Variants in LRP1B observed in about 807,000 individuals in gnomAD.
LRP1B encodes the protein low-density lipoprotein receptor-related protein 1B.
Under a neutral mutation model 556.6 loss-of-function variants are expected in LRP1B, and 217 were observed. That is an observed-to-expected ratio of 0.39 (90% CI 0.35 to 0.44). The LOEUF (loss-of-function observed/expected upper bound fraction) is 0.44, where lower values mean the gene tolerates loss of function less well. Among genes scored for constraint, LRP1B ranks in the 20% least tolerant of loss-of-function variants. LRP1B has a pLI of 1.00. For missense variants in LRP1B, 5,053 were observed against 5,620.8 expected (o/e 0.90, Z 3.23); for synonymous variants, 2,047 against 1,865.8 (o/e 1.10, Z -2.50).
At chr2:140,806,415 A>G (rs1175805086) in intron 32 of LRP1B, among the ~76,000 whole-genome samples, 1 of 152,174 alleles carries the variant, frequency 6.6e-6, no homozygotes, top group Non-Finnish European at 1.5e-5. Flanking sequence ...ATAAAACAAC[A>G]CAACAACAAA....
At position 140,618,607 on chromosome 2, in the gene LRP1B, A is replaced by G. The variant is rs144051593; in HGVS notation, c.6800-16968T>C. The stretch of plus-strand genomic sequence containing the variant: ...AACAAGTTAGAAAAACAAAAGACAC[A>G]AACTAAAACATAAGAACAAAAATCT... On this transcript the variant is annotated intron_variant, in intron 41 of 90. Transcript: ENST00000389484. Among the ~76,000 whole-genome samples the G allele has an allele frequency of 2.2e-3, 341 of 152,292 alleles. 3 individuals carry two copies. Among genetic ancestry groups the G allele is most frequent in the African/African-American group, 7.8e-3 (323 of 41,562 alleles).
rs1411779358 is a variant in LRP1B at position 141,104,726 on chromosome 2, A to C, written c.1014-42453T>G. On this transcript the variant is annotated intron_variant, in intron 7 of 90. Coordinates refer to ENST00000389484, the MANE Select transcript of LRP1B (RefSeq NM_018557.3). ...GGTCTGAATTATTCCCAAAACAATA[A>C]TCAGCTGAAATTAAGTTGCTGCTCC... 3.4e-4 allele frequency among the ~76,000 whole-genome samples: 52 copies of C among 152,078 alleles called. 1 individual carries two copies.
At chr2:142,089,933 G>T (rs2104947497) in intron 1 of LRP1B, among the ~76,000 whole-genome samples, 1 of 152,126 alleles carries the variant, frequency 6.6e-6, no homozygotes, top group East Asian at 1.9e-4. Flanking sequence ...CTCATAGGCA[G>T]GTATGCTTTG....
At chr2:141,616,462 A>C (rs1372872222) in intron 2 of LRP1B, among the ~76,000 whole-genome samples, 1 of 152,188 alleles carries the variant, frequency 6.6e-6, no homozygotes. Flanking sequence ...ACACTCTGCT[A>C]TCAATTAGTT....
chr2:141,321,329 G>T (rs1338459964), intron 3 of LRP1B, among the ~76,000 whole-genome samples: 2 of 152,058 alleles, frequency 1.3e-5, no homozygotes, highest in Non-Finnish European at 2.9e-5. Flanking sequence ...ATCAGGCACA[G>T]CTTTAATCAA....
At chr2:141,416,693 G>C (rs1691121381) in intron 3 of LRP1B, among the ~76,000 whole-genome samples, 1 of 152,030 alleles carries the variant, frequency 6.6e-6, no homozygotes, top group Non-Finnish European at 1.5e-5. Flanking sequence ...GACCTCAAAT[G>C]ATCCACTCAC....
intron 2 of LRP1B, among the ~76,000 whole-genome samples, chr2:141,514,851 C>A (rs1466383318): frequency 6.6e-6 from 1 of 152,076 alleles, no homozygotes; most frequent in Non-Finnish European, 1.5e-5. Context: ...GTAAAAAACA[C>A]AGAATGATTG....
At chr2:141,253,033 G>T (rs2105337280) in intron 4 of LRP1B, among the ~76,000 whole-genome samples, 1 of 152,258 alleles carries the variant, frequency 6.6e-6, no homozygotes. Context: ...ATTTAACTCA[G>T]CTGCACCCTT....
intron 1 of LRP1B, among the ~76,000 whole-genome samples, chr2:142,130,125 C>A (rs1707800400): frequency 6.6e-6 from 1 of 152,152 alleles, no homozygotes; most frequent in South Asian, 2.1e-4. Flanking sequence ...GACTCTGACC[C>A]CAGTCTGCCC....
At chr2:141,130,007 T>A (rs1452714935) in intron 7 of LRP1B, among the ~76,000 whole-genome samples, 1 of 151,822 alleles carries the variant, frequency 6.6e-6, no homozygotes, top group Non-Finnish European at 1.5e-5. Flanking sequence ...ACAAAGCAAA[T>A]GGATACAGAA....
chr2:142,025,295 C>T (rs1004644924), intron 1 of LRP1B, among the ~76,000 whole-genome samples: 3 of 152,112 alleles, frequency 2.0e-5, no homozygotes, highest in Non-Finnish European at 1.5e-5. Context: ...TTACCAGGAA[C>T]AGTTTAATAT....
chr2:141,813,296 A>C (rs976103423), intron 1 of LRP1B, among the ~76,000 whole-genome samples: 1 of 152,188 alleles, frequency 6.6e-6, no homozygotes, highest in Non-Finnish European at 1.5e-5. Flanking sequence ...AAAATAGAAC[A>C]GAGATGGGGA....
intron 1 of LRP1B, among the ~76,000 whole-genome samples, chr2:142,050,221 TA>T (rs1704407538): frequency 6.6e-6 from 1 of 152,208 alleles, no homozygotes; most frequent in African/African-American, 2.4e-5. Context: ...ATAATATACA[TA>T]TTTTATATGG....
intron 1 of LRP1B, among the ~76,000 whole-genome samples, chr2:142,027,989 C>T (rs1703565521): frequency 6.6e-6 from 1 of 151,896 alleles, no homozygotes; most frequent in South Asian, 2.1e-4. Flanking sequence ...TGTTTTATCA[C>T]TACTTACAAG....
intron 1 of LRP1B, among the ~76,000 whole-genome samples, chr2:141,896,274 T>A (rs1241942677): frequency 6.6e-6 from 1 of 152,126 alleles, no homozygotes; most frequent in African/African-American, 2.4e-5. Flanking sequence ...TACTTAACCA[T>A]CTATAAATAT....
chr2:140,985,592 T>C (rs1696896231), intron 17 of LRP1B, among the ~76,000 whole-genome samples: 1 of 151,906 alleles, frequency 6.6e-6, no homozygotes, highest in Non-Finnish European at 1.5e-5. Context: ...ATTCTGGATG[T>C]TGACAGAGAA....
At chr2:141,106,659 A>G (rs1417043054) in intron 7 of LRP1B, among the ~76,000 whole-genome samples, 1 of 152,152 alleles carries the variant, frequency 6.6e-6, no homozygotes, top group Non-Finnish European at 1.5e-5. Context: ...AATAGGTCCA[A>G]ACTACTCATA....
At position 140,966,810 on chromosome 2, in the gene LRP1B, C is replaced by T. The variant is rs144489901; in HGVS notation, c.2888-14870G>A. Among the ~76,000 whole-genome samples, 1,160 of 152,200 alleles carry T rather than the reference C, an allele frequency of 7.6e-3. 17 individuals are homozygous for T. Among genetic ancestry groups the T allele is most frequent in the African/African-American group, 0.027 (1,131 of 41,492 alleles). ...TTTATTAAATATGGAATCCTTTCCC[C>T]GTTTCTTGTTTTTGTCAGGTCTGTC... On this transcript the variant is annotated intron_variant, in intron 18 of 90. Transcript: ENST00000389484.
At chr2:140,568,849 A>G (rs1296847170) in intron 43 of LRP1B, among the ~76,000 whole-genome samples, 1 of 152,062 alleles carries the variant, frequency 6.6e-6, no homozygotes, top group Non-Finnish European at 1.5e-5. Context: ...AAAGAAATGA[A>G]AGATAAAAAA....
Sources: gnomAD v4.1 joint callset for allele counts (sites outside exome capture counted in the v4.1 genomes callset) on GRCh38, gnomAD v4.1.1 for gene constraint, MANE v1.5 for transcripts, NCBI Gene and HGNC (gene_info 2026-07-23, HGNC 2026-07-21) for gene names.